The following TMEM232 variants were observed in gnomAD, a reference collection of about 807,000 sequenced individuals.
The protein encoded by TMEM232 is transmembrane protein 232.
In TMEM232, 80 loss-of-function variants were observed where a neutral mutation model predicts 78.8. The ratio of observed to expected loss-of-function variants is 1.01; its 90% CI spans 0.85 to 1.22. The LOEUF is 1.22. TMEM232 is among the 50% of genes most tolerant of loss of function. The pLI, the probability that TMEM232 is intolerant of heterozygous loss-of-function variation, is 0.00. For synonymous variants in TMEM232, 297 were observed against 254.3 expected (o/e 1.17, Z -1.60); for missense variants, 881 against 742.2 (o/e 1.19, Z -2.17).
chr5:110,535,392 C>T (rs1455616424), intron 11 of TMEM232, among the ~76,000 whole-genome samples: 1 of 152,110 alleles, frequency 6.6e-6, no homozygotes, highest in African/African-American at 2.4e-5. Context: ...TCCTATAAAA[C>T]GGCCCCACAC....
chr5:110,568,514 T>C lies in TMEM232; in HGVS notation c.1388A>G (p.Gln463Arg). 6.5e-7 allele frequency: 1 copy of C among 1,549,028 alleles called. No homozygotes were observed. Among genetic ancestry groups the C allele is most frequent in the Non-Finnish European group, 8.7e-7 (1 of 1,145,612 alleles). ...ATAATCCTTTGTTTTCTGCAATGTT[T>C]GCCATATCATGTTTCTAAGTCCATC... ...EQDGLRNMIW[Q>R]TLQKTKDYEE... Residue 463 changes from glutamine to arginine, a missense_variant, in exon 11 of 14, where the codon CAA becomes CGA. Gln to Arg is a conservative substitution (Grantham distance 43, BLOSUM62 1). Transcript: ENST00000455884.
At chr5:110,732,626 G>C (rs906510368) in intron 2 of TMEM232, among the ~76,000 whole-genome samples, 14 of 152,152 alleles carry the variant, frequency 9.2e-5, no homozygotes, top group Admixed American at 3.9e-4. Context: ...GGAACGACCA[G>C]CTCCCATGAT....
intron 12 of TMEM232, among the ~76,000 whole-genome samples, chr5:110,443,173 T>C (rs1759256138): frequency 6.6e-6 from 1 of 152,246 alleles, no homozygotes; most frequent in Non-Finnish European, 1.5e-5. Context: ...TTCAGGACAT[T>C]GTGCTCCCCC....
At chr5:110,580,980 G>A (rs1395035925) in intron 10 of TMEM232, among the ~76,000 whole-genome samples, 4 of 151,584 alleles carry the variant, frequency 2.6e-5, no homozygotes, top group Admixed American at 2.6e-4. Flanking sequence ...TCTCTATAAG[G>A]AGAACTATAA....
At chr5:110,587,957 A>AT (rs1001165891) in intron 10 of TMEM232, among the ~76,000 whole-genome samples, 14 of 149,320 alleles carry the variant, frequency 9.4e-5, no homozygotes, top group African/African-American at 3.2e-4. Flanking sequence ...ATATATATAT[A>AT]TTTTTTTAAA....
At chr5:110,461,008 G>C (rs566258861) in intron 12 of TMEM232, among the ~76,000 whole-genome samples, 1 of 151,784 alleles carries the variant, frequency 6.6e-6, no homozygotes, top group African/African-American at 2.4e-5. Flanking sequence ...GAGGCATAAC[G>C]ATATTTAAAT....
At chr5:110,698,187 A>G (rs966403285) in intron 1 of TMEM232, among the ~76,000 whole-genome samples, 3 of 151,926 alleles carry the variant, frequency 2.0e-5, no homozygotes, top group South Asian at 4.2e-4. Flanking sequence ...TATCACAAGG[A>G]AAAAAACCAA....
rs188169898 is a variant in TMEM232 at position 110,466,694 on chromosome 5, G to A, written c.1704-41778C>T. Among the ~76,000 whole-genome samples the A allele has an allele frequency of 5.4e-3, 819 of 150,826 alleles. 12 individuals are homozygous for A. Among genetic ancestry groups the A allele is most frequent in the African/African-American group, 0.02 (804 of 40,982 alleles). ...GTGGCGCAATCTCGGCTCACAGCAA[G>A]CTCTGCCTCCTGGGTTCATGCCATT... is the stretch of plus-strand genomic sequence containing the variant. On this transcript the variant is annotated intron_variant, in intron 12 of 13. Transcript: ENST00000455884.
chr5:110,690,632 C>T (rs988180964), intron 1 of TMEM232, among the ~76,000 whole-genome samples: 1 of 152,052 alleles, frequency 6.6e-6, no homozygotes, highest in Non-Finnish European at 1.5e-5. Flanking sequence ...GGGTATATAC[C>T]CAAAGGATTA....
intron 1 of TMEM232, among the ~76,000 whole-genome samples, chr5:110,680,876 A>G (rs944255797): frequency 6.6e-6 from 1 of 152,070 alleles, no homozygotes; most frequent in African/African-American, 2.4e-5. Flanking sequence ...AACCCATCTA[A>G]TCTGATTTGC....
At chr5:110,490,380 G>A (rs1030675489) in intron 12 of TMEM232, among the ~76,000 whole-genome samples, 7 of 152,068 alleles carry the variant, frequency 4.6e-5, no homozygotes, top group African/African-American at 1.7e-4. Flanking sequence ...CAAAATGTAT[G>A]AAAAGACATT....
At chr5:110,452,477 T>A (rs1187772382) in intron 12 of TMEM232, among the ~76,000 whole-genome samples, 1 of 152,114 alleles carries the variant, frequency 6.6e-6, no homozygotes, top group African/African-American at 2.4e-5. Flanking sequence ...AGAAAAACCC[T>A]GAATTGATTT....
chr5:110,726,252 G>A (rs1798146676), intron 1 of TMEM232, among the ~76,000 whole-genome samples: 1 of 152,124 alleles, frequency 6.6e-6, no homozygotes, highest in Admixed American at 6.5e-5. Context: ...CAGAGGATGT[G>A]TGAAGACTGG....
chr5:110,665,975 A>T (rs1183883402), intron 2 of TMEM232, among the ~76,000 whole-genome samples: 1 of 152,012 alleles, frequency 6.6e-6, no homozygotes, highest in Non-Finnish European at 1.5e-5. Context: ...AGGCTGAGAC[A>T]GGAGGATCAT....
chr5:110,735,836 C>A (rs1799105206), intron 1 of TMEM232, among the ~76,000 whole-genome samples: 1 of 152,148 alleles, frequency 6.6e-6, no homozygotes, highest in Non-Finnish European at 1.5e-5. Context: ...TAAAGACATT[C>A]TTTCTATAGC....
At chr5:110,632,945 C>T (rs549093322) in intron 5 of TMEM232, among the ~76,000 whole-genome samples, 1 of 152,054 alleles carries the variant, frequency 6.6e-6, no homozygotes, top group African/African-American at 2.4e-5. Context: ...TACAGTCAAA[C>T]TGTCTAAAGT....
chr5:110,605,503 AG>A (rs1781438090), intron 9 of TMEM232, 145 bp from the exon 10 acceptor site: 1 of 827,068 alleles, frequency 1.2e-6, no homozygotes, highest in African/African-American at 1.8e-5. Context: ...TACCATGAGT[AG>A]ACTGCATAAA....
chr5:110,604,920 C>T (rs927004981), intron 10 of TMEM232, among the ~76,000 whole-genome samples, 189 bp downstream of exon 10: 4 of 152,140 alleles, frequency 2.6e-5, no homozygotes, highest in African/African-American at 9.7e-5. Context: ...CACGCCACTG[C>T]ACCGCAGCCT....
intron 1 of TMEM232, chr5:110,684,738 G>C (rs549789798): frequency 9.2e-5 from 14 of 152,174 alleles, no homozygotes; most frequent in African/African-American, 3.4e-4. Flanking sequence ...TTATTTATTA[G>C]AGAATATACA....
Sources: gnomAD v4.1 joint callset for allele counts (sites outside exome capture counted in the v4.1 genomes callset) on GRCh38, gnomAD v4.1.1 for gene constraint, MANE v1.5 for transcripts, NCBI Gene and HGNC (gene_info 2026-07-23, HGNC 2026-07-21) for gene names.